CLSTN2: variants seen among roughly 807,000 people sequenced by gnomAD.
CLSTN2 encodes the protein calsyntenin 2, also known as calsyntenin-2.
Under a neutral mutation model 101.2 loss-of-function variants are expected in CLSTN2, and 48 were observed. That is an observed-to-expected ratio of 0.47 (90% CI 0.38 to 0.60). The LOEUF (loss-of-function observed/expected upper bound fraction) is 0.60, where lower values mean the gene tolerates loss of function less well. CLSTN2 is among the 20% of genes least tolerant of loss of function. The pLI, the probability that CLSTN2 is intolerant of heterozygous loss-of-function variation, is 0.00. For synonymous variants in CLSTN2, 481 were observed against 463.6 expected (o/e 1.04, Z -0.48); for missense variants, 1,160 against 1,238.2 (o/e 0.94, Z 0.95).
chr3:140,084,831 G>A (rs76346654), intron 1 of CLSTN2, among the ~76,000 whole-genome samples: 1,715 of 152,268 alleles, frequency 0.011, 37 homozygotes, highest in African/African-American at 0.04. Context: ...CTACTTCCTA[G>A]CAACAGAGAA....
chr3:140,082,895 G>A (rs1358982940), intron 1 of CLSTN2, among the ~76,000 whole-genome samples: 1 of 152,158 alleles, frequency 6.6e-6, no homozygotes, highest in African/African-American at 2.4e-5. Flanking sequence ...GCAAGCCCAG[G>A]TCTTGATGTC....
At chr3:140,438,091 T>C (rs1255442859) in intron 5 of CLSTN2, among the ~76,000 whole-genome samples, 1 of 152,202 alleles carries the variant, frequency 6.6e-6, no homozygotes, top group Non-Finnish European at 1.5e-5. Context: ...GTTGTTCTTT[T>C]TAATGCAATG....
At chr3:140,085,071 T>C (rs2008658427) in intron 1 of CLSTN2, among the ~76,000 whole-genome samples, 1 of 152,234 alleles carries the variant, frequency 6.6e-6, no homozygotes, top group Non-Finnish European at 1.5e-5. Flanking sequence ...TTTTCTAGGA[T>C]TGTCAGATAT....
At chr3:140,097,451 G>A (rs1164269305) in intron 1 of CLSTN2, among the ~76,000 whole-genome samples, 1 of 152,146 alleles carries the variant, frequency 6.6e-6, no homozygotes, top group Non-Finnish European at 1.5e-5. Context: ...AATGCTCACA[G>A]CAGCCAATAT....
chr3:140,057,580 C>A (rs1322720392), intron 1 of CLSTN2, among the ~76,000 whole-genome samples: 2 of 152,146 alleles, frequency 1.3e-5, no homozygotes, highest in African/African-American at 4.8e-5. Context: ...CCTCATTAGT[C>A]ATATTTACAT....
At chr3:139,994,193 C>G (rs931864463) in intron 1 of CLSTN2, among the ~76,000 whole-genome samples, 21 of 152,210 alleles carry the variant, frequency 1.4e-4, no homozygotes, top group African/African-American at 5.1e-4. Context: ...TATGCCTAAA[C>G]CAGTTCAGGT....
intron 1 of CLSTN2, among the ~76,000 whole-genome samples, chr3:140,046,194 C>A (rs2007876849): frequency 6.6e-6 from 1 of 152,072 alleles, no homozygotes; most frequent in African/African-American, 2.4e-5. Flanking sequence ...AATCTGGGTG[C>A]TCCTGTATTG....
rs1192191123 is a variant in CLSTN2 at position 140,019,006 on chromosome 3, G to A, written c.109+83523G>A. On this transcript the variant is annotated intron_variant, in intron 1 of 16. Coordinates refer to ENST00000458420, the MANE Select transcript of CLSTN2 (RefSeq NM_022131.3). ...ATCTCTTCCCATTGCTTCAAGAGAG[G>A]GTCTAATCAGATGATCCTGGGAGTC... Among the ~76,000 whole-genome samples, 4 of 152,176 alleles carry A rather than the reference G, an allele frequency of 2.6e-5. No individual in the cohort carries two copies. In the South Asian group the frequency reaches 8.3e-4, roughly 32 times the overall value.
intron 1 of CLSTN2, among the ~76,000 whole-genome samples, chr3:139,970,230 T>C (rs1935671529): frequency 6.6e-6 from 1 of 152,156 alleles, no homozygotes; most frequent in Non-Finnish European, 1.5e-5. Context: ...CTAACCTGCC[T>C]GAGTAAGTAG....
intron 6 of CLSTN2, among the ~76,000 whole-genome samples, chr3:140,451,203 G>A (rs1160560541): frequency 6.6e-6 from 1 of 152,194 alleles, no homozygotes; most frequent in Non-Finnish European, 1.5e-5. Flanking sequence ...AAGATCAGAT[G>A]GGCCCAAGGG....
chr3:140,518,097 G>A (rs1934954964), intron 8 of CLSTN2, among the ~76,000 whole-genome samples: 1 of 152,108 alleles, frequency 6.6e-6, no homozygotes, highest in Admixed American at 6.5e-5. Context: ...AGCACTTACA[G>A]TCCTCACCCA....
intron 2 of CLSTN2, among the ~76,000 whole-genome samples, chr3:140,288,342 T>C (rs1185240105): frequency 2.6e-5 from 4 of 152,170 alleles, no homozygotes; most frequent in Non-Finnish European, 4.4e-5. Context: ...CTGGGTTATA[T>C]GCCAGGATGA....
chr3:140,117,591 A>G (rs1296153466), intron 1 of CLSTN2, among the ~76,000 whole-genome samples: 2 of 152,180 alleles, frequency 1.3e-5, no homozygotes, highest in African/African-American at 2.4e-5. Flanking sequence ...GGGGAAGCAG[A>G]TATCAATTTT....
chr3:140,152,629 A>T (rs1055129734), intron 1 of CLSTN2, among the ~76,000 whole-genome samples: 1 of 152,180 alleles, frequency 6.6e-6, no homozygotes, highest in Admixed American at 6.5e-5. Context: ...TACATGGGCA[A>T]TTGGTGCTCA....
chr3:140,117,200 T>C (rs1433234357), intron 1 of CLSTN2, among the ~76,000 whole-genome samples: 2 of 152,190 alleles, frequency 1.3e-5, no homozygotes, highest in Non-Finnish European at 2.9e-5. Context: ...CGATGAAGAA[T>C]GACCTCTACC....
At chr3:140,109,695 G>C (rs2009121039) in intron 1 of CLSTN2, among the ~76,000 whole-genome samples, 1 of 152,254 alleles carries the variant, frequency 6.6e-6, no homozygotes, top group South Asian at 2.1e-4. Flanking sequence ...AGTTCCCAGG[G>C]TTGGTAGAGA....
intron 5 of CLSTN2, among the ~76,000 whole-genome samples, chr3:140,429,567 A>T (rs965238667): frequency 6.6e-6 from 1 of 152,110 alleles, no homozygotes. Flanking sequence ...GCCTCCTCAT[A>T]TATCATCCTG....
chr3:140,504,469 C>T (rs554646857), intron 8 of CLSTN2, among the ~76,000 whole-genome samples: 1 of 152,166 alleles, frequency 6.6e-6, no homozygotes, highest in African/African-American at 2.4e-5. Context: ...ATGCCCCTAG[C>T]CCTGTATTTG....
intron 1 of CLSTN2, among the ~76,000 whole-genome samples, chr3:140,172,216 A>G (rs1457949770): frequency 1.7e-5 from 2 of 119,458 alleles, no homozygotes; most frequent in Non-Finnish European, 3.4e-5. Flanking sequence ...GACTTCTGTG[A>G]GGGTATTGGG....
Sources: gnomAD v4.1 joint callset for allele counts (sites outside exome capture counted in the v4.1 genomes callset) on GRCh38, gnomAD v4.1.1 for gene constraint, MANE v1.5 for transcripts, NCBI Gene and HGNC (gene_info 2026-07-23, HGNC 2026-07-21) for gene names.